IFT27: variants seen among roughly 807,000 people sequenced by gnomAD.
IFT27 encodes intraflagellar transport protein 27 homolog.
Under a neutral mutation model 23.9 loss-of-function variants are expected in IFT27, and 19 were observed. The ratio of observed to expected loss-of-function variants is 0.79; its 90% CI spans 0.55 to 1.16. The LOEUF (loss-of-function observed/expected upper bound fraction) is 1.16, where lower values mean the gene tolerates loss of function less well. Ranked by LOEUF, IFT27 falls within the 50% of genes most tolerant of loss-of-function variation. The pLI is 0.00. For missense variants in IFT27, 206 were observed against 228.7 expected (o/e 0.90, Z 0.64); for synonymous variants, 91 against 89.1 (o/e 1.02, Z -0.12).
intron 4 of IFT27, among the ~76,000 whole-genome samples, chr22:36,764,863 G>A (rs1029835307): frequency 1.3e-5 from 2 of 152,204 alleles, no homozygotes; most frequent in East Asian, 1.9e-4. Context: ...CCTGGTGCTC[G>A]TGACTCTTGG....
chr22:36,774,678 G>A (rs967946379), intron 1 of IFT27, among the ~76,000 whole-genome samples: 4 of 152,222 alleles, frequency 2.6e-5, no homozygotes. Flanking sequence ...CGGGCATGGT[G>A]GCTTGCGCCT....
At chr22:36,775,555 C>T (rs1938481386) in intron 1 of IFT27, 119 bp downstream of exon 1, 3 of 1,052,044 alleles carry the variant, frequency 2.9e-6, no homozygotes, top group African/African-American at 3.1e-5. Flanking sequence ...TGCAGTAACT[C>T]GCCTTTGGGA....
At position 36,767,935 on chromosome 22, in the gene IFT27, T is replaced by A. The variant is rs754441944; in HGVS notation, c.35-73A>T. 8 of 1,370,832 alleles carry A rather than the reference T, an allele frequency of 5.8e-6. No homozygotes were observed. The South Asian group carries it at 8.1e-5, about 14-fold the overall frequency. 84.9% of individuals were successfully genotyped at this position (1,370,832 alleles called of 1,614,324 possible). On this transcript the variant is annotated intron_variant, in intron 1 of 6. Transcript: ENST00000433985. Reference sequence around the variant, plus strand: ...CTTGAGAATCTCCCGCTGCAGAACATTAGTCTAGAAACCAAAAACTTCAAT... The same window carrying A: ...CTTGAGAATCTCCCGCTGCAGAACAATAGTCTAGAAACCAAAAACTTCAAT...
At position 36,758,295 on chromosome 22, in the gene IFT27, G is replaced by A. The variant is rs200349828; in HGVS notation, c.*16C>T. 146 of 1,590,666 alleles carry A rather than the reference G, an allele frequency of 9.2e-5. No individual in the cohort carries two copies. In the Middle Eastern group the frequency reaches 6.6e-3, roughly 72 times the overall value. ...TCTGTCTTCTCCGGTTGTGCAGCAC[G>A]ATCTGCTCCAGCTCGTCATGCCAGG... is the stretch of plus-strand genomic sequence containing the variant. On this transcript the variant is annotated 3_prime_UTR_variant, in exon 7 of 7. Transcript: ENST00000433985.
intron 5 of IFT27, 170 bp downstream of exon 5, chr22:36,763,749 T>C: frequency 1.4e-6 from 1 of 698,410 alleles, no homozygotes; most frequent in Non-Finnish European, 2.6e-6. Context: ...GTGTGGTGAC[T>C]CACCGAGGTT....
chr22:36,760,962 C>A (rs531659943), intron 6 of IFT27: 1 of 167,218 alleles, frequency 6.0e-6, no homozygotes, highest in East Asian at 1.9e-4. Context: ...GAGCTTGGCG[C>A]CAGCCCTTGG....
At chr22:36,771,128 C>T (rs1393043258) in intron 1 of IFT27, among the ~76,000 whole-genome samples, 1 of 152,100 alleles carries the variant, frequency 6.6e-6, no homozygotes, top group Non-Finnish European at 1.5e-5. Context: ...GCGGGCAGTG[C>T]CCTCTTCTCA....
At chr22:36,765,733 C>G (rs1938229067) in intron 4 of IFT27, among the ~76,000 whole-genome samples, 1 of 152,186 alleles carries the variant, frequency 6.6e-6, no homozygotes, top group African/African-American at 2.4e-5. Flanking sequence ...AGTGGAACGG[C>G]AGAAAGTGAG....
intron 1 of IFT27, among the ~76,000 whole-genome samples, chr22:36,770,315 C>A (rs570551624): frequency 5.3e-5 from 8 of 152,270 alleles, no homozygotes; most frequent in African/African-American, 1.9e-4. Context: ...CGAGTCCTGT[C>A]CCCGTGGCCT....
At chr22:36,768,284 C>A (rs1369140954) in intron 1 of IFT27, 2 of 355,016 alleles carry the variant, frequency 5.6e-6, no homozygotes, top group Non-Finnish European at 1.1e-5. Context: ...CCAACTGACC[C>A]AACCTGGGTT....
rs1937984053 is a variant in IFT27 at position 36,758,287 on chromosome 22, T to C, written c.*24A>G. On this transcript the variant is annotated 3_prime_UTR_variant, in exon 7 of 7. Coordinates refer to ENST00000433985, the MANE Select transcript of IFT27 (RefSeq NM_001177701.3). ...GAGGTAATTCTGTCTTCTCCGGTTG[T>C]GCAGCACGATCTGCTCCAGCTCGTC... The C allele has an allele frequency of 2.6e-6, 4 of 1,559,424 alleles. No individual in the cohort carries two copies. Among genetic ancestry groups the C allele is most frequent in the Non-Finnish European group, 3.5e-6 (4 of 1,130,198 alleles).
chr22:36,763,948 C>T lies in IFT27; in HGVS notation c.323G>A (p.Arg108Gln), dbSNP rs138336051. Residue 108 changes from arginine (R) to glutamine (Q), a missense_variant, in exon 5 of 7, where the codon CGG becomes CAG. Transcript: ENST00000433985. ...GAGAGAGATGCCTGGAGCCTGTGAC[C>T]GAGCCTTCTCCAGCCACTTGCTGCA... The part of the protein sequence containing the change: ...NNCSKWLEKA[R>Q]SQAPGISLPG... The T allele has an allele frequency of 2.9e-5, 47 of 1,613,704 alleles. No individual in the cohort carries two copies. The highest frequency in any genetic ancestry group is 1.1e-4 in the African/African-American group (8 of 74,912).
chr22:36,760,976 C>A (rs140806801), intron 6 of IFT27: 2 of 167,038 alleles, frequency 1.2e-5, no homozygotes, highest in Admixed American at 1.3e-4. Flanking sequence ...CCCTTGGCTG[C>A]GTCTCAAGCT....
intron 1 of IFT27, among the ~76,000 whole-genome samples, chr22:36,775,127 G>C (rs1042464690): frequency 1.3e-5 from 2 of 152,202 alleles, no homozygotes; most frequent in African/African-American, 4.8e-5. Context: ...GCCTTTGGGA[G>C]ACTCAACATT....
chr22:36,775,809 TGGGGA>T lies in IFT27; in HGVS notation c.-107_-103del. 9.4e-7 allele frequency: 1 copy of T among 1,060,968 alleles called. No homozygotes were observed. Among genetic ancestry groups the T allele is most frequent in the Non-Finnish European group, 1.4e-6 (1 of 724,106 alleles). 65.7% of individuals were successfully genotyped at this position (1,060,968 alleles called of 1,614,324 possible). ...CCTGGGCTGGCCTGGGACGGGAAGG[TGGGGA>T]GGGGAGGGCTGATCTCAAGGGTCAG... On this transcript the variant is annotated 5_prime_UTR_variant, in exon 1 of 7. Transcript: ENST00000433985.
At chr22:36,763,497 A>C (rs1938152958) in intron 5 of IFT27, 1 of 316,606 alleles carries the variant, frequency 3.2e-6, no homozygotes, top group South Asian at 3.0e-5. Context: ...CCGGTCTATA[A>C]TGAGGAGAAT....
At position 36,763,964 on chromosome 22, in the gene IFT27, A is replaced by G; in HGVS notation, c.307T>C (p.Trp103Arg). The G allele has an allele frequency of 1.2e-6, 2 of 1,614,224 alleles. No homozygotes were observed. Among genetic ancestry groups the G allele is most frequent in the Non-Finnish European group, 1.7e-6 (2 of 1,180,012 alleles). ...NEESFNNCSK[W>R]LEKARSQAPG... ...GCCTGTGACCGAGCCTTCTCCAGCCACTTGCTGCAGTTGTTGAAGGATTCT... is the reference window on the plus strand; with the variant it reads ...GCCTGTGACCGAGCCTTCTCCAGCCGCTTGCTGCAGTTGTTGAAGGATTCT... The change falls in exon 5 of 7, where the codon TGG becomes CGG. Residue 103 changes from tryptophan to arginine, a missense_variant. Physicochemically the swap from Trp to Arg is moderately radical, Grantham distance 101. Coordinates refer to ENST00000433985, the MANE Select transcript of IFT27 (RefSeq NM_001177701.3).
chr22:36,767,329 C>T lies in IFT27; in HGVS notation c.151G>A (p.Val51Ile). The T allele has an allele frequency of 6.2e-7, 1 of 1,613,952 alleles. No individual in the cohort carries two copies. The highest frequency in any genetic ancestry group is 2.2e-5 in the East Asian group (1 of 44,862). Residue 51 changes from valine (V) to isoleucine (I), a missense_variant, in exon 3 of 7, where the codon GTT becomes ATT. Coordinates refer to ENST00000433985, the MANE Select transcript of IFT27 (RefSeq NM_001177701.3). ...ACCACACTGTCTCCCGTGTCAGGAACTGGCACTGTCTTCACCACCAAATCC... is the reference window on the plus strand; with the variant it reads ...ACCACACTGTCTCCCGTGTCAGGAATTGGCACTGTCTTCACCACCAAATCC... ...GMDLVVKTVP[V>I]PDTGDSVELF...
intron 1 of IFT27, chr22:36,768,076 G>A (rs556502707): frequency 3.1e-5 from 21 of 676,172 alleles, no homozygotes; most frequent in East Asian, 8.9e-5. Context: ...ACTTCTGCAC[G>A]GCTAAGCCTT....
Sources: allele counts gnomAD v4.1 joint callset (sites outside exome capture counted in the v4.1 genomes callset), GRCh38; gene constraint gnomAD v4.1.1; transcripts MANE v1.5; gene names NCBI Gene and HGNC (gene_info 2026-07-23, HGNC 2026-07-21).